Variants in CHCHD6 observed in about 807,000 individuals in gnomAD.
CHCHD6 encodes MICOS complex subunit MIC25.
A neutral mutation model predicts 32.3 loss-of-function variants in CHCHD6; 28 were observed. The observed-to-expected ratio is 0.87, with a 90% CI of 0.64 to 1.19. CHCHD6 has a LOEUF of 1.19. Ranked by LOEUF, CHCHD6 falls within the 50% of genes most tolerant of loss-of-function variation. The probability of loss-of-function intolerance (pLI) is 0.00; values close to 1 mark genes in which losing one functional copy is unlikely to be tolerated. For missense variants in CHCHD6, 333 were observed against 307.0 expected, an observed-to-expected ratio of 1.08 and a Z score of -0.63; for synonymous variants, 122 against 117.5, an observed-to-expected ratio of 1.04 and a Z score of -0.25.
At chr3:126,732,947 C>T in intron 3 of CHCHD6, 131 bp from the exon 4 acceptor site, 1 of 997,928 alleles carries the variant, frequency 1.0e-6, no homozygotes, top group South Asian at 1.6e-5. Context: ...GCACTCTCTC[C>T]TTTCCTGACC....
rs113352282 is a variant in CHCHD6, at chr3:126,956,254, GC to G, written c.567-1159del. On this transcript the variant is annotated intron_variant, in intron 6 of 7. Transcript: ENST00000290913. ...CTACATTTTTACAGCTCTTTTTGGT[GC>G]CCTCAGCCGTGAGTGGTGTTCAATT... Among the ~76,000 whole-genome samples, 323 of 152,246 alleles carry G rather than the reference GC, an allele frequency of 2.1e-3. 1 individual carries two copies. The highest frequency in any genetic ancestry group is 7.5e-3 in the African/African-American group (311 of 41,522).
At chr3:126,849,411 A>G (rs902805578) in intron 4 of CHCHD6, among the ~76,000 whole-genome samples, 1 of 152,130 alleles carries the variant, frequency 6.6e-6, no homozygotes, top group Non-Finnish European at 1.5e-5. Context: ...CATCTGTTCT[A>G]TATTTTATCT....
At chr3:126,793,260 T>C (rs1415987938) in intron 4 of CHCHD6, among the ~76,000 whole-genome samples, 1 of 152,162 alleles carries the variant, frequency 6.6e-6, no homozygotes, top group Non-Finnish European at 1.5e-5. Flanking sequence ...TTTTACTTTT[T>C]GTTTTCTGTA....
At chr3:126,814,221 G>A (rs1004762543) in intron 4 of CHCHD6, among the ~76,000 whole-genome samples, 5 of 152,220 alleles carry the variant, frequency 3.3e-5, no homozygotes, top group African/African-American at 1.2e-4. Flanking sequence ...AGCGTTGGCG[G>A]TAACTCTTTG....
chr3:126,806,432 A>C (rs1297556512), intron 4 of CHCHD6, among the ~76,000 whole-genome samples: 1 of 151,980 alleles, frequency 6.6e-6, no homozygotes. Context: ...ATGCAGCCAA[A>C]AGACACATGA....
intron 4 of CHCHD6, among the ~76,000 whole-genome samples, chr3:126,740,745 C>T (rs1239768570): frequency 6.6e-6 from 1 of 152,222 alleles, no homozygotes; most frequent in Admixed American, 6.5e-5. Context: ...GAAAGGGACA[C>T]TGTGAGGCCT....
intron 4 of CHCHD6, among the ~76,000 whole-genome samples, chr3:126,851,728 T>TA (rs1941479880): frequency 6.6e-6 from 1 of 152,220 alleles, no homozygotes; most frequent in African/African-American, 2.4e-5. Context: ...TGACGGGACT[T>TA]ACATCCCTGC....
chr3:126,910,280 A>C (rs1197429868), intron 5 of CHCHD6, among the ~76,000 whole-genome samples: 2 of 151,458 alleles, frequency 1.3e-5, no homozygotes, highest in African/African-American at 4.8e-5. Flanking sequence ...CAGGAAAAAA[A>C]AAAAAACAAA....
rs772404805 is a variant in CHCHD6 at position 126,824,024 on chromosome 3, A to G, written c.412-28623A>G. Among the ~76,000 whole-genome samples the G allele has an allele frequency of 1.2e-4, 18 of 152,318 alleles. No homozygotes were observed. In the South Asian group the frequency reaches 1.5e-3, roughly 12 times the overall value. On this transcript the variant is annotated intron_variant, in intron 4 of 7. Transcript: ENST00000290913. ...CTGGAATTTGAGGCTACAGTGAGCT[A>G]TAATCGCCACACCACTGCATTCTAG...
At chr3:126,853,069 G>C (rs1458135173) in intron 5 of CHCHD6, among the ~76,000 whole-genome samples, 3 of 151,968 alleles carry the variant, frequency 2.0e-5, no homozygotes, top group Admixed American at 6.6e-5. Flanking sequence ...TTCCACTTTA[G>C]TTAAGCTGCA....
chr3:126,831,040 T>C (rs1940617129), intron 4 of CHCHD6, among the ~76,000 whole-genome samples: 1 of 151,954 alleles, frequency 6.6e-6, no homozygotes, highest in Admixed American at 6.6e-5. Context: ...TTTTTTTTTT[T>C]TGAGACATAG....
At chr3:126,766,972 T>C in intron 4 of CHCHD6, 2 of 928,874 alleles carry the variant, frequency 2.2e-6, no homozygotes, top group Non-Finnish European at 3.5e-6. Flanking sequence ...GACCAGTGTG[T>C]GGTTAGCGCC....
chr3:126,732,507 C>T (rs1431724923), intron 3 of CHCHD6, among the ~76,000 whole-genome samples: 1 of 152,170 alleles, frequency 6.6e-6, no homozygotes, highest in African/African-American at 2.4e-5. Context: ...ATTATATGAT[C>T]ACACCATATT....
rs549940581 is a variant in CHCHD6 at position 126,804,547 on chromosome 3, G to T, written c.412-48100G>T. ...GAATCTCTGAATAGACCAATAACAGGATCTGAAATTGTGGCAATAATCAAT... is the reference window on the plus strand; with the variant it reads ...GAATCTCTGAATAGACCAATAACAGTATCTGAAATTGTGGCAATAATCAAT... On this transcript the variant is annotated intron_variant, in intron 4 of 7. Coordinates refer to ENST00000290913, the MANE Select transcript of CHCHD6 (RefSeq NM_032343.3). 9.6e-3 allele frequency among the ~76,000 whole-genome samples: 1,465 copies of T among 152,252 alleles called. 6 individuals carry two copies. Among genetic ancestry groups the T allele is most frequent in the Non-Finnish European group, 0.017 (1,163 of 68,014 alleles).
chr3:126,865,050 A>ACCTCCTCCTCCT (rs1319453133), intron 5 of CHCHD6, among the ~76,000 whole-genome samples: 1 of 51,036 alleles, frequency 2.0e-5, no homozygotes, highest in African/African-American at 5.9e-5. Context: ...CTTCATCACT[A>ACCTCCTCCTCCT]CCTCCTCCTC....
intron 6 of CHCHD6, among the ~76,000 whole-genome samples, chr3:126,952,712 A>T (rs1293043095): frequency 2.6e-5 from 4 of 152,202 alleles, no homozygotes; most frequent in Non-Finnish European, 5.9e-5. Flanking sequence ...AAGCTTTTCC[A>T]TATTTTGAGA....
intron 4 of CHCHD6, among the ~76,000 whole-genome samples, chr3:126,803,941 A>G (rs182000190): frequency 5.3e-4 from 81 of 152,364 alleles, no homozygotes; most frequent in Admixed American, 2.6e-3. Context: ...GTGGAAACTG[A>G]AGAACCTGCT....
chr3:126,837,107 G>T (rs1940891910), intron 4 of CHCHD6, among the ~76,000 whole-genome samples: 1 of 152,178 alleles, frequency 6.6e-6, no homozygotes, highest in South Asian at 2.1e-4. Flanking sequence ...TTGCAGAGAT[G>T]ATATCATGAT....
intron 4 of CHCHD6, among the ~76,000 whole-genome samples, chr3:126,741,643 T>C (rs1433083748): frequency 6.6e-6 from 1 of 152,168 alleles, no homozygotes. Flanking sequence ...AATGCAGATA[T>C]TTGGATCCGA....
Sources: gnomAD v4.1 joint callset for allele counts (sites outside exome capture counted in the v4.1 genomes callset) on GRCh38, gnomAD v4.1.1 for gene constraint, MANE v1.5 for transcripts, NCBI Gene and HGNC (gene_info 2026-07-23, HGNC 2026-07-21) for gene names.